DZANK1: variants seen among roughly 807,000 people sequenced by gnomAD.
DZANK1 encodes the protein double zinc ribbon and ankyrin repeat-containing protein 1.
DZANK1 carries 91 observed loss-of-function variants against 94.5 expected under a neutral mutation model. That is an observed-to-expected ratio of 0.96 (90% CI 0.81 to 1.15). The LOEUF (loss-of-function observed/expected upper bound fraction) is 1.15, where lower values mean the gene tolerates loss of function less well. Among genes scored for constraint, DZANK1 ranks in the 50% most tolerant of loss-of-function variants. The pLI is 0.00. For synonymous variants in DZANK1, 312 were observed against 325.3 expected (o/e 0.96, Z 0.44); for missense variants, 903 against 916.4 (o/e 0.99, Z 0.19).
intron 4 of DZANK1, chr20:18,454,234 T>G (rs1286295082): frequency 2.8e-6 from 1 of 353,848 alleles, no homozygotes. Context: ...TCTCTGGACT[T>G]TCTCCATGGA....
chr20:18,433,959 A>T (rs1463325134), intron 8 of DZANK1, 194 bp from the exon 9 acceptor site: 5 of 546,854 alleles, frequency 9.1e-6, no homozygotes, highest in Non-Finnish European at 1.6e-5. Flanking sequence ...TTTGTAAAAC[A>T]ATTTTTTAAA....
intron 13 of DZANK1, among the ~76,000 whole-genome samples, chr20:18,403,895 G>T (rs1382010651): frequency 6.7e-6 from 1 of 150,166 alleles, no homozygotes; most frequent in Admixed American, 6.7e-5. Context: ...TGCCTCCCAG[G>T]TTTGAAAGAT....
At chr20:18,444,712 A>G (rs1476997464) in intron 7 of DZANK1, among the ~76,000 whole-genome samples, 1 of 149,688 alleles carries the variant, frequency 6.7e-6, no homozygotes, top group Non-Finnish European at 1.5e-5. Context: ...CTCCAATTAG[A>G]ACATAGGAGT....
chr20:18,420,583 AAAAT>A, intron 10 of DZANK1: 2 of 229,806 alleles, frequency 8.7e-6, no homozygotes, highest in Non-Finnish European at 1.8e-5. Flanking sequence ...TACTGACCAC[AAAAT>A]AGGCACTGCC....
intron 1 of DZANK1, among the ~76,000 whole-genome samples, chr20:18,466,633 A>G (rs2059665336): frequency 2.0e-5 from 3 of 152,236 alleles, no homozygotes; most frequent in Admixed American, 6.5e-5. Context: ...GTAGGAGAGG[A>G]AGTAATTCGC....
intron 14 of DZANK1, 125 bp downstream of exon 14, chr20:18,398,398 G>T (rs2056478351): frequency 2.5e-6 from 2 of 792,244 alleles, no homozygotes; most frequent in Non-Finnish European, 4.3e-6. Flanking sequence ...GAGTAAGAAA[G>T]TGTAGAAAGC....
At chr20:18,455,324 G>A in exon 4 of DZANK1, 1 of 1,608,400 alleles carries the variant, frequency 6.2e-7, no homozygotes, top group Non-Finnish European at 8.5e-7. Flanking sequence ...TAGTCTACGT[G>A]AAACACCTTT....
chr20:18,400,921 T>TAC (rs1351246962), intron 13 of DZANK1, among the ~76,000 whole-genome samples: 1 of 152,144 alleles, frequency 6.6e-6, no homozygotes, highest in African/African-American at 2.4e-5. Flanking sequence ...ACTGAGAAGC[T>TAC]ACAATACAAT....
chr20:18,434,545 CAAAAAAAAAAAA>C (rs55680576), intron 8 of DZANK1, among the ~76,000 whole-genome samples: 2 of 47,560 alleles, frequency 4.2e-5, no homozygotes. Context: ...GACTCCTGCT[CAAAAAAAAAAAA>C]AAAAAAAAAA....
intron 6 of DZANK1, 78 bp from the exon 7 acceptor site, chr20:18,449,147 T>C: frequency 8.2e-7 from 1 of 1,221,406 alleles, no homozygotes; most frequent in Non-Finnish European, 1.2e-6. Context: ...ATAGTAAAAT[T>C]CCATTAAAAA....
Position 18,393,826 on chromosome 20 carries a change from T to C in DZANK1, c.1709-15A>G. ...GTAGTCACTCACTGAAATGACACAG[T>C]TGGGGAAAAAAATGATGCCCCTCCC... On this transcript the variant is annotated splice_polypyrimidine_tract_variant and intron_variant, in intron 16 of 20. Coordinates refer to ENST00000262547, the Ensembl canonical transcript of DZANK1. 2.5e-6 allele frequency: 4 copies of C among 1,577,490 alleles called. No individual in the cohort carries two copies. The highest frequency in any genetic ancestry group is 2.7e-5 in the African/African-American group (2 of 74,000).
At chr20:18,451,048 C>T (rs569996940) in intron 6 of DZANK1, among the ~76,000 whole-genome samples, 4 of 152,266 alleles carry the variant, frequency 2.6e-5, no homozygotes, top group African/African-American at 9.6e-5. Flanking sequence ...CCAGTTCAAG[C>T]GATTCTTCTG....
intron 13 of DZANK1, among the ~76,000 whole-genome samples, chr20:18,410,806 C>A (rs2057215214): frequency 6.6e-6 from 1 of 152,096 alleles, no homozygotes; most frequent in Non-Finnish European, 1.5e-5. Context: ...TAAAAATTAT[C>A]CAGGTGTGGT....
intron 16 of DZANK1, 56 bp from the exon 17 acceptor site, chr20:18,393,867 A>C: frequency 8.6e-7 from 1 of 1,164,150 alleles, no homozygotes; most frequent in Non-Finnish European, 1.3e-6. Flanking sequence ...TCCCCACACA[A>C]ACAGTTATTT....
rs1296903697 is a variant in DZANK1, at chr20:18,465,233, A to T, written c.109+17T>A. On this transcript the variant is annotated intron_variant, in intron 2 of 20. Coordinates refer to ENST00000262547, the Ensembl canonical transcript of DZANK1. ...ACAATGTTATTTTAAACAATTTCAA[A>T]CATATGTGATTCTTACCTGATTTCA... is the stretch of plus-strand genomic sequence containing the variant. 1 of 1,463,558 alleles carries T rather than the reference A, an allele frequency of 6.8e-7. No individual in the cohort carries two copies. Among genetic ancestry groups the T allele is most frequent in the African/African-American group, 1.4e-5 (1 of 70,922 alleles). 90.7% of individuals were successfully genotyped at this position (1,463,558 alleles called of 1,614,324 possible).
At chr20:18,417,330 C>G (rs2057541919) in intron 10 of DZANK1, among the ~76,000 whole-genome samples, 1 of 152,184 alleles carries the variant, frequency 6.6e-6, no homozygotes, top group Non-Finnish European at 1.5e-5. Flanking sequence ...TTATTATTTA[C>G]ATAAGAAGTC....
intron 14 of DZANK1, among the ~76,000 whole-genome samples, chr20:18,397,219 G>A (rs969654924): frequency 1.3e-5 from 2 of 152,218 alleles, no homozygotes; most frequent in Non-Finnish European, 2.9e-5. Flanking sequence ...GGATTAGGCT[G>A]AAGAAATTCA....
At chr20:18,442,641 CT>C (rs766691938) in intron 8 of DZANK1, among the ~76,000 whole-genome samples, 7 of 152,178 alleles carry the variant, frequency 4.6e-5, no homozygotes, top group Non-Finnish European at 4.4e-5. Flanking sequence ...ATCTAAAACT[CT>C]GGACTTGGAA....
chr20:18,412,634 C>G lies in DZANK1; in HGVS notation c.1432+12G>C. Reference sequence around the variant, plus strand: ...CCCTCCCGACCAGAAGAAAGGGCATCCTCCCCCTTACCTCTTCCTGGGCTG... The same window carrying G: ...CCCTCCCGACCAGAAGAAAGGGCATGCTCCCCCTTACCTCTTCCTGGGCTG... On this transcript the variant is annotated intron_variant, in intron 13 of 20. Transcript: ENST00000262547. 6.2e-7 allele frequency: 1 copy of G among 1,611,362 alleles called. No homozygotes were observed. Among genetic ancestry groups the G allele is most frequent in the Non-Finnish European group, 8.5e-7 (1 of 1,178,902 alleles).
Sources: allele counts gnomAD v4.1 joint callset (sites outside exome capture counted in the v4.1 genomes callset), GRCh38; gene constraint gnomAD v4.1.1; transcripts MANE v1.5; gene names NCBI Gene and HGNC (gene_info 2026-07-23, HGNC 2026-07-21).